The following REM2 variants were observed in gnomAD, a reference collection of about 807,000 sequenced individuals.
REM2 encodes the protein GTP-binding protein REM 2.
REM2 carries 24 observed loss-of-function variants against 24.4 expected under a neutral mutation model. That is an observed-to-expected ratio of 0.98 (90% CI 0.71 to 1.38). The LOEUF is 1.38. REM2 is among the 40% of genes most tolerant of loss of function. REM2 has a pLI of 0.00. For synonymous variants in REM2, 187 were observed against 198.0 expected (o/e 0.94, Z 0.47); for missense variants, 429 against 467.8 (o/e 0.92, Z 0.77).
chr14:22,884,660 C>G lies in REM2; in HGVS notation c.104-14C>G. 1 of 1,583,784 alleles carries G rather than the reference C, an allele frequency of 6.3e-7. No homozygotes were observed. The highest frequency in any genetic ancestry group is 8.6e-7 in the Non-Finnish European group (1 of 1,163,774). On this transcript the variant is annotated splice_polypyrimidine_tract_variant and intron_variant, in intron 1 of 4. Coordinates refer to ENST00000267396, the MANE Select transcript of REM2 (RefSeq NM_173527.3). Reference sequence around the variant, plus strand: ...TCATAGCTTCCTTTTCTTTGCCCTCCCATTTTATTTTAGAAGCAGATGCCA... The same window carrying G: ...TCATAGCTTCCTTTTCTTTGCCCTCGCATTTTATTTTAGAAGCAGATGCCA...
In REM2 at chr14:22,886,709, C is replaced by T. The variant is rs1198739895; in HGVS notation, c.823C>T (p.Arg275Cys). Residue 275 changes from arginine to cysteine, a missense_variant, in exon 5 of 5, where the codon CGC (arginine) becomes TGC (cysteine). Transcript: ENST00000267396. This position sits in a 1 kb window ranked among gnomAD's most constrained non-coding sequence, Gnocchi z 5.9. ...GAGGGAGCTCTTCGAGGGCGCGGTG[C>T]GCCAGATCCGGCTGCGGCGGGGCCG... is the stretch of plus-strand genomic sequence containing the variant. ...NTRELFEGAV[R>C]QIRLRRGRNH... 3.3e-6 allele frequency: 5 copies of T among 1,510,468 alleles called. No homozygotes were observed. The African/African-American group carries it at 4.2e-5, about 13-fold the overall frequency. The allele number at this position is 1,510,468 out of a possible 1,614,324, so 93.6% of individuals were successfully genotyped here.
At position 22,886,527 on chromosome 14, in the gene REM2, C is replaced by T. The variant is rs2040129971; in HGVS notation, c.728-87C>T. On this transcript the variant is annotated intron_variant, in intron 4 of 4. Coordinates refer to ENST00000267396, the MANE Select transcript of REM2 (RefSeq NM_173527.3). The surrounding 1 kb of genome is among the most constrained non-coding windows in gnomAD (Gnocchi z 5.9). ...AGATTCACTAGTACCAATCCCTTGC[C>T]ACCGCACGCCCAGGCCCTCCCTAGA... The T allele has an allele frequency of 4.1e-6, 5 of 1,232,486 alleles. No individual in the cohort carries two copies. The highest frequency in any genetic ancestry group is 2.8e-4 in the Middle Eastern group (1 of 3,544). 76.3% of individuals were successfully genotyped at this position (1,232,486 alleles called of 1,614,324 possible). A position where few individuals can be genotyped will look rare whatever the true frequency, so the allele number is the denominator to read the frequency against.
chr14:22,884,699 G>T lies in REM2; in HGVS notation c.129G>T (p.Lys43Asn), dbSNP rs776972071. Residue 43 changes from lysine to asparagine, a missense_variant, in exon 2 of 5, where the codon AAG (lysine) becomes AAT (asparagine). Lys to Asn is a moderately conservative substitution (Grantham distance 94). Coordinates refer to ENST00000267396, the MANE Select transcript of REM2 (RefSeq NM_173527.3). ...AAGCAGATGCCACGCTACTAAAGAA[G>T]TCAGAGAAACTGTTGGCAGAGTTGG... ...TPEADATLLK[K>N]SEKLLAELDR... The T allele has an allele frequency of 3.7e-6, 6 of 1,608,528 alleles. No individual in the cohort carries two copies. In the South Asian group the frequency reaches 6.6e-5, roughly 18 times the overall value.
In REM2 at chr14:22,886,252, C is replaced by T. The variant is rs781205821; in HGVS notation, c.727+21C>T. On this transcript the variant is annotated intron_variant, in intron 4 of 4. Coordinates refer to ENST00000267396, the MANE Select transcript of REM2 (RefSeq NM_173527.3). The surrounding 1 kb of genome is among the most constrained non-coding windows in gnomAD (Gnocchi z 5.9). ...GGAGGGTGTGTATCCTGAACAGATT[C>T]CATACTTGCGATCTCAGGGGAATGC... is the stretch of plus-strand genomic sequence containing the variant. The T allele has an allele frequency of 3.1e-6, 5 of 1,590,008 alleles. No homozygotes were observed. The South Asian group carries it at 4.5e-5, about 14-fold the overall frequency.
Position 22,886,326 on chromosome 14 carries a change from G to A in REM2, c.727+95G>A. 2.6e-6 allele frequency: 3 copies of A among 1,175,258 alleles called. No individual in the cohort carries two copies. The highest frequency in any genetic ancestry group is 2.0e-5 in the Admixed American group (1 of 49,866). The allele number at this position is 1,175,258 out of a possible 1,614,324, so 72.8% of individuals were successfully genotyped here. A position where few individuals can be genotyped will look rare whatever the true frequency, so the allele number is the denominator to read the frequency against. Reference sequence around the variant, plus strand: ...TCCCTAAGGCCTTTTTACCATCGCGGACGCACTCACTTGCAATCAGACCCA... The same window carrying A: ...TCCCTAAGGCCTTTTTACCATCGCGAACGCACTCACTTGCAATCAGACCCA... On this transcript the variant is annotated intron_variant, in intron 4 of 4. Transcript: ENST00000267396. This position sits in a 1 kb window ranked among gnomAD's most constrained non-coding sequence, Gnocchi z 5.9.
Position 22,886,553 on chromosome 14 carries a change from C to T in REM2, c.728-61C>T. 7.1e-7 allele frequency: 1 copy of T among 1,413,768 alleles called. No homozygotes were observed. The highest frequency in any genetic ancestry group is 1.5e-5 in the South Asian group (1 of 67,210). 87.6% of individuals were successfully genotyped at this position (1,413,768 alleles called of 1,614,324 possible). On this transcript the variant is annotated intron_variant, in intron 4 of 4. Transcript: ENST00000267396. The surrounding 1 kb of genome is among the most constrained non-coding windows in gnomAD (Gnocchi z 5.9). ...ACCGCACGCCCAGGCCCTCCCTAGA[C>T]CCACCCTCGCCCCGGGTCCCGTACA...
At chr14:22,884,384 G>A (rs2040100042) in intron 1 of REM2, 1 of 985,468 alleles carries the variant, frequency 1.0e-6, no homozygotes, top group African/African-American at 1.7e-5. Flanking sequence ...TGTAAAGTGT[G>A]AGTGGGTATG....
rs751037447 is a variant in REM2 at position 22,885,276 on chromosome 14, T to A, written c.456T>A (p.Tyr152Ter). ...AHEPENPEDTYERRIMVDKEE... is the reference protein window; with the variant it reads ...AHEPENPEDT ...CCTATTTCCCAGCAGAGGATACCTA[T>A]GAGAGACGCATCATGGTGGATAAGG... The change falls in exon 3 of 5, where the codon TAT (tyrosine) becomes TAA (stop). Residue 152 changes from tyrosine (Y) to a stop codon, truncating the protein, a stop_gained. Transcript: ENST00000267396. LOFTEE classifies it high-confidence loss of function. The A allele has an allele frequency of 3.1e-6, 5 of 1,611,876 alleles. No homozygotes were observed. Among genetic ancestry groups the A allele is most frequent in the Non-Finnish European group, 4.2e-6 (5 of 1,178,002 alleles).
chr14:22,887,604 C>T lies in REM2; in HGVS notation c.*695C>T, dbSNP rs1358009309. On this transcript the variant is annotated 3_prime_UTR_variant, in exon 5 of 5. Coordinates refer to ENST00000267396, the MANE Select transcript of REM2 (RefSeq NM_173527.3). Reference sequence around the variant, plus strand: ...ATTCAGATAATGAGCAGTGGCAACCCCTTTTGGCCAGGGCCAGGGGGGCAC... The same window carrying T: ...ATTCAGATAATGAGCAGTGGCAACCTCTTTTGGCCAGGGCCAGGGGGGCAC... 1 of 152,174 alleles carries T rather than the reference C, an allele frequency of 6.6e-6. No homozygotes were observed. Among genetic ancestry groups the T allele is most frequent in the Non-Finnish European group, 1.5e-5 (1 of 68,032 alleles). 9.4% of individuals were successfully genotyped at this position (152,174 alleles called of 1,614,324 possible). A position where few individuals can be genotyped will look rare whatever the true frequency, so the allele number is the denominator to read the frequency against.
rs2040130173 is a variant in REM2, at chr14:22,886,535, G to A, written c.728-79G>A. 1.5e-6 allele frequency: 2 copies of A among 1,309,344 alleles called. No homozygotes were observed. The highest frequency in any genetic ancestry group is 1.5e-5 in the South Asian group (1 of 64,974). 81.1% of individuals were successfully genotyped at this position (1,309,344 alleles called of 1,614,324 possible). A position where few individuals can be genotyped will look rare whatever the true frequency, so the allele number is the denominator to read the frequency against. Reference sequence around the variant, plus strand: ...TAGTACCAATCCCTTGCCACCGCACGCCCAGGCCCTCCCTAGACCCACCCT... The same window carrying A: ...TAGTACCAATCCCTTGCCACCGCACACCCAGGCCCTCCCTAGACCCACCCT... On this transcript the variant is annotated intron_variant, in intron 4 of 4. Transcript: ENST00000267396. This position sits in a 1 kb window ranked among gnomAD's most constrained non-coding sequence, Gnocchi z 5.9.
rs1417718352 is a variant in REM2, at chr14:22,884,839, C to T, written c.269C>T (p.Pro90Leu). 44 of 1,613,908 alleles carry T rather than the reference C, an allele frequency of 2.7e-5. No homozygotes were observed. The highest frequency in any genetic ancestry group is 3.6e-5 in the Non-Finnish European group (42 of 1,179,872). ...AQAVDELDWP[P>L]QASSSGSSDS... Reference sequence around the variant, plus strand: ...GCTGTAGATGAACTTGACTGGCCACCTCAGGCCTCATCCTCTGGCTCGTCT... The same window carrying T: ...GCTGTAGATGAACTTGACTGGCCACTTCAGGCCTCATCCTCTGGCTCGTCT... Residue 90 changes from proline to leucine, a missense_variant, in exon 2 of 5, where the codon CCT becomes CTT. Transcript: ENST00000267396.
intron 1 of REM2, among the ~76,000 whole-genome samples, 151 bp downstream of exon 1, chr14:22,883,541 C>T (rs1017450872): frequency 5.9e-5 from 9 of 152,130 alleles, no homozygotes; most frequent in African/African-American, 1.7e-4. Context: ...CCCCTGCTCA[C>T]ACAAGGGATT....
Position 22,884,980 on chromosome 14 carries a change from T to G in REM2, c.410T>G (p.Leu137Arg), listed in dbSNP as rs1255710146. 1 of 1,558,794 alleles carries G rather than the reference T, an allele frequency of 6.4e-7. No individual in the cohort carries two copies. The highest frequency in any genetic ancestry group is 1.9e-5 in the Admixed American group (1 of 53,316). The part of the protein sequence containing the change: ...KSTLAGTFGG[L>R]QGDSAHEPEN... ...ACCCTAGCAGGCACTTTTGGTGGTCTCCAGGGAGACAGTGCTCACGAACCG... is the reference window on the plus strand; with the variant it reads ...ACCCTAGCAGGCACTTTTGGTGGTCGCCAGGGAGACAGTGCTCACGAACCG... The change falls in exon 2 of 5, where the codon CTC (leucine) becomes CGC (arginine). Residue 137 changes from leucine to arginine, a missense_variant. By Grantham distance (102) the Leu-to-Arg change is moderately radical. Transcript: ENST00000267396.
intron 2 of REM2, 90 bp from the exon 3 acceptor site, chr14:22,885,176 C>T: frequency 7.3e-7 from 1 of 1,379,076 alleles, no homozygotes. Context: ...TTCCCTGGTG[C>T]TGAGATCTGA....
At chr14:22,883,899 TCACACACA>T (rs35170959) in intron 1 of REM2, among the ~76,000 whole-genome samples, 12 of 147,462 alleles carry the variant, frequency 8.1e-5, no homozygotes, top group South Asian at 2.2e-4. Context: ...TCCCTTTCGC[TCACACACA>T]CACACACACA....
At position 22,884,775 on chromosome 14, in the gene REM2, A is replaced by G; in HGVS notation, c.205A>G (p.Met69Val). The G allele has an allele frequency of 6.2e-7, 1 of 1,614,018 alleles. No homozygotes were observed. Among genetic ancestry groups the G allele is most frequent in the Non-Finnish European group, 8.5e-7 (1 of 1,179,890 alleles). The change falls in exon 2 of 5, where the codon ATG becomes GTG. Residue 69 changes from methionine (M) to valine (V), a missense_variant. By Grantham distance (21) the Met-to-Val change is conservative. Transcript: ENST00000267396. The part of the protein sequence containing the change: ...APGAPRRRGS[M>V]PVPYKHQLRR... Reference sequence around the variant, plus strand: ...TGGGGCCCCCAGACGAAGAGGCAGTATGCCTGTCCCCTACAAGCACCAGCT... The same window carrying G: ...TGGGGCCCCCAGACGAAGAGGCAGTGTGCCTGTCCCCTACAAGCACCAGCT...
chr14:22,884,020 G>T (rs185580369), intron 1 of REM2: 4 of 984,692 alleles, frequency 4.1e-6, no homozygotes, highest in Middle Eastern at 5.2e-4. Flanking sequence ...ATCCAACCAC[G>T]CAATGAGGGA....
Position 22,887,103 on chromosome 14 carries a change from C to T in REM2, c.*194C>T, listed in dbSNP as rs905274081. The T allele has an allele frequency of 2.3e-6, 1 of 437,228 alleles. No homozygotes were observed. The highest frequency in any genetic ancestry group is 4.0e-6 in the Non-Finnish European group (1 of 252,044). The allele number at this position is 437,228 out of a possible 1,614,324, so 27.1% of individuals were successfully genotyped here. ...CGGCACCTCCACACCCGCCCCAACG[C>T]GTTCTCTGGAGCTTTGGGCCTCAGG... On this transcript the variant is annotated 3_prime_UTR_variant, in exon 5 of 5. Coordinates refer to ENST00000267396, the MANE Select transcript of REM2 (RefSeq NM_173527.3).
rs1404143270 is a variant in REM2 at position 22,886,168 on chromosome 14, C to CTACCCGT, written c.667_673dup (p.Ile225ThrfsTer155). 1.9e-6 allele frequency: 3 copies of CTACCCGT among 1,613,978 alleles called. No individual in the cohort carries two copies. The highest frequency in any genetic ancestry group is 1.7e-6 in the Non-Finnish European group (2 of 1,179,878). On this transcript the variant is annotated frameshift_variant, in exon 4 of 5. Coordinates refer to ENST00000267396, the MANE Select transcript of REM2 (RefSeq NM_173527.3). LOFTEE classifies it high-confidence loss of function. This position sits in a 1 kb window ranked among gnomAD's most constrained non-coding sequence, Gnocchi z 5.9. ...CCGGGCTGGGAGGCCGCACCACGAC[C>CTACCCGT]TACCCGTTATCCTCGTTGGAAACAA...
Sources: gnomAD v4.1 joint callset for allele counts (sites outside exome capture counted in the v4.1 genomes callset) on GRCh38, gnomAD v4.1.1 for gene constraint, Gnocchi (gnomAD v3.1) non-coding constraint, MANE v1.5 for transcripts, NCBI Gene and HGNC (gene_info 2026-07-23, HGNC 2026-07-21) for gene names.